Variants in LTF observed in about 807,000 individuals in gnomAD.
LTF encodes the protein epididymis luminal protein 110.
In LTF, 91 loss-of-function variants were observed where a neutral mutation model predicts 87.2. The observed-to-expected ratio is 1.04, with a 90% confidence interval of 0.88 to 1.24. The LOEUF is 1.24. Among genes scored for constraint, LTF ranks in the 50% most tolerant of loss-of-function variants. The pLI is 0.00. For missense variants in LTF, 901 were observed against 904.3 expected, an observed-to-expected ratio of 1.00 and a Z score of 0.05; for synonymous variants, 378 against 356.1, an observed-to-expected ratio of 1.06 and a Z score of -0.69.
intron 13 of LTF, among the ~76,000 whole-genome samples, chr3:46,443,087 T>C (rs944302358): frequency 2.0e-4 from 30 of 152,220 alleles, no homozygotes; most frequent in African/African-American, 7.2e-4. Context: ...GGGGCGGCGA[T>C]GGGAAAGAGA....
At chr3:46,477,353 T>C (rs992414199) in intron 1 of LTF, among the ~76,000 whole-genome samples, 1 of 152,240 alleles carries the variant, frequency 6.6e-6, no homozygotes, top group African/African-American at 2.4e-5. Flanking sequence ...TAAGCCCAGA[T>C]GAAGCCTGGC....
intron 13 of LTF, among the ~76,000 whole-genome samples, chr3:46,442,322 G>A (rs138350112): frequency 6.6e-6 from 1 of 152,144 alleles, no homozygotes; most frequent in African/African-American, 2.4e-5. Context: ...GCATTATAAG[G>A]ATGATAGAAA....
Position 46,441,496 on chromosome 3 carries a change from A to C in LTF, c.1656-13T>G, listed in dbSNP as rs1274130540. The C allele has an allele frequency of 1.2e-6, 2 of 1,602,478 alleles. No individual in the cohort carries two copies. Among genetic ancestry groups the C allele is most frequent in the Admixed American group, 3.3e-5 (2 of 59,744 alleles). On this transcript the variant is annotated splice_polypyrimidine_tract_variant and intron_variant, in intron 13 of 16. Transcript: ENST00000231751. Reference sequence around the variant, plus strand: ...CTCAGCCAGGCACCTAAAATGTTCCAGAAAATATACACATAATTACAGAAG... The same window carrying C: ...CTCAGCCAGGCACCTAAAATGTTCCCGAAAATATACACATAATTACAGAAG...
At chr3:46,475,388 A>G (rs1455010911) in intron 1 of LTF, among the ~76,000 whole-genome samples, 2 of 152,220 alleles carry the variant, frequency 1.3e-5, no homozygotes, top group Non-Finnish European at 1.5e-5. Flanking sequence ...CGAAAAGAGG[A>G]AATACTCTCC....
intron 10 of LTF, 103 bp from the exon 11 acceptor site, chr3:46,446,596 G>GTC: frequency 1.1e-6 from 1 of 951,448 alleles, no homozygotes; most frequent in Non-Finnish European, 1.7e-6. Context: ...CAAAGAGACC[G>GTC]TCCCAGCAGT....
intron 14 of LTF, among the ~76,000 whole-genome samples, chr3:46,439,886 GGCAACATA>G (rs1284691616): frequency 6.6e-6 from 1 of 151,164 alleles, no homozygotes; most frequent in East Asian, 1.9e-4. Flanking sequence ...GACCAGCTTG[GGCAACATA>G]GCAAGACCTC....
upstream of LTF, among the ~76,000 whole-genome samples, chr3:46,467,530 A>G (rs893370873): frequency 1.3e-5 from 2 of 152,034 alleles, no homozygotes; most frequent in African/African-American, 4.8e-5. Context: ...AAACAACCAA[A>G]CAAGTAAAGG....
At chr3:46,452,767 A>T (rs1242167531) in intron 6 of LTF, among the ~76,000 whole-genome samples, 2 of 152,262 alleles carry the variant, frequency 1.3e-5, no homozygotes, top group Non-Finnish European at 2.9e-5. Flanking sequence ...GGCAGAAAAA[A>T]TATACTTTTT....
intron 10 of LTF, among the ~76,000 whole-genome samples, chr3:46,446,779 A>G (rs1235757800): frequency 6.6e-6 from 1 of 152,206 alleles, no homozygotes; most frequent in Non-Finnish European, 1.5e-5. Flanking sequence ...GTCTACAACT[A>G]CACACTTAGG....
intron 1 of LTF, among the ~76,000 whole-genome samples, chr3:46,460,802 C>A (rs1398425197): frequency 1.3e-5 from 2 of 150,746 alleles, no homozygotes; most frequent in African/African-American, 2.5e-5. Context: ...ACATGATCTT[C>A]TATGTAGAAA....
At chr3:46,449,777 G>A (rs17141154) in intron 8 of LTF, 77 bp downstream of exon 8, 268,791 of 1,499,612 alleles carry the variant, frequency 0.18, 25,892 homozygotes, top group African/African-American at 0.34. Flanking sequence ...AGGAGTGACC[G>A]CCACAAAGTA....
At chr3:46,451,316 C>T (rs1702796954) in intron 6 of LTF, among the ~76,000 whole-genome samples, 2 of 152,072 alleles carry the variant, frequency 1.3e-5, no homozygotes, top group Admixed American at 1.3e-4. Flanking sequence ...ATTTTACTTA[C>T]GAACATAAAT....
chr3:46,455,218 G>A (rs1041897173), intron 5 of LTF, 77 bp downstream of exon 5: 2 of 1,570,284 alleles, frequency 1.3e-6, no homozygotes, highest in African/African-American at 2.7e-5. Context: ...GGCTCTATGT[G>A]GGGCCAGAGA....
chr3:46,465,725 AAGCT>A (rs1356044392), upstream of LTF, among the ~76,000 whole-genome samples: 1 of 152,208 alleles, frequency 6.6e-6, no homozygotes, highest in East Asian at 1.9e-4. Context: ...TAAAATTCAA[AAGCT>A]AGAATACTGC....
At chr3:46,469,685 C>G (rs1703259433), upstream of LTF, 1 of 152,436 alleles carries the variant, frequency 6.6e-6, no homozygotes, top group South Asian at 2.1e-4. Context: ...CCCCCAAGAT[C>G]CCAACACAGA....
In LTF at chr3:46,443,592, A is replaced by G. The variant is rs1217395762; in HGVS notation, c.1514-10T>C. The G allele has an allele frequency of 6.2e-7, 1 of 1,613,972 alleles. No individual in the cohort carries two copies. The highest frequency in any genetic ancestry group is 1.7e-5 in the Admixed American group (1 of 60,022). Reference sequence around the variant, plus strand: ...TGACTGAAATATTCATCTGGAGAGAAGGAACACGGGGAGTCAGCTCTTCAA... The same window carrying G: ...TGACTGAAATATTCATCTGGAGAGAGGGAACACGGGGAGTCAGCTCTTCAA... On this transcript the variant is annotated splice_polypyrimidine_tract_variant and intron_variant, in intron 12 of 16. Transcript: ENST00000231751.
At chr3:46,453,192 C>T (rs1020960094) in intron 6 of LTF, among the ~76,000 whole-genome samples, 7 of 152,208 alleles carry the variant, frequency 4.6e-5, no homozygotes, top group African/African-American at 1.7e-4. Flanking sequence ...GAAAGGGAAG[C>T]CCAAACGGCT....
intron 2 of LTF, chr3:46,470,258 G>T: frequency 6.6e-6 from 1 of 152,542 alleles, no homozygotes; most frequent in Non-Finnish European, 1.5e-5. Context: ...CTGGGAAGGT[G>T]CTGGCCTGGA....
chr3:46,439,408 C>T lies in LTF; in HGVS notation c.1796G>A (p.Arg599Gln), dbSNP rs1463905189. ...GCTTCTAGCCTCAGTCACAGGCTTC[C>T]GTTTGCCATCGAGGCACAGCAGCGC... ...DFALLCLDGK[R>Q]KPVTEARSCH... Residue 599 changes from arginine to glutamine, a missense_variant, in exon 15 of 17, where the codon CGG becomes CAG. Transcript: ENST00000231751. The T allele has an allele frequency of 1.1e-5, 17 of 1,614,114 alleles. No homozygotes were observed. The highest frequency in any genetic ancestry group is 1.3e-5 in the African/African-American group (1 of 74,940).
Sources: allele counts gnomAD v4.1 joint callset (sites outside exome capture counted in the v4.1 genomes callset), GRCh38; gene constraint gnomAD v4.1.1; transcripts MANE v1.5; gene names NCBI Gene and HGNC (gene_info 2026-07-23, HGNC 2026-07-21).